ROBO1: variants seen among roughly 807,000 people sequenced by gnomAD.
ROBO1 encodes roundabout homolog 1.
A neutral mutation model predicts 195.9 loss-of-function variants in ROBO1; 149 were observed. The ratio of observed to expected loss-of-function variants is 0.76; its 90% CI spans 0.67 to 0.87. ROBO1 has a LOEUF of 0.87. ROBO1 is among the 40% of genes least tolerant of loss of function. ROBO1 has a pLI of 0.00. For synonymous variants in ROBO1, 816 were observed against 733.2 expected, an observed-to-expected ratio of 1.11 and a Z score of -1.82; for missense variants, 1,933 against 2,068.3, an observed-to-expected ratio of 0.93 and a Z score of 1.27.
rs995040747 is a variant in ROBO1, at chr3:79,414,539, T to C, written c.88+175285A>G. ...ATATGTTGTCCTTTGTTTTCCTTGG[T>C]AATTAGTATTAGAAGATGTTATAGA... On this transcript the variant is annotated intron_variant, in intron 2 of 30. Coordinates refer to ENST00000464233, the MANE Select transcript of ROBO1 (RefSeq NM_002941.4). Among the ~76,000 whole-genome samples, 4 of 152,260 alleles carry C rather than the reference T, an allele frequency of 2.6e-5. No homozygotes were observed. The South Asian group carries it at 6.2e-4, about 24-fold the overall frequency.
intron 3 of ROBO1, among the ~76,000 whole-genome samples, chr3:79,025,321 C>G (rs764094978): frequency 5.3e-5 from 8 of 152,130 alleles, no homozygotes; most frequent in Admixed American, 1.3e-4. Flanking sequence ...CTTCCCATAT[C>G]CTTTCCACTT....
intron 3 of ROBO1, among the ~76,000 whole-genome samples, chr3:78,986,972 T>C (rs1403370305): frequency 6.6e-6 from 1 of 152,144 alleles, no homozygotes; most frequent in Non-Finnish European, 1.5e-5. Flanking sequence ...GTACTTATTA[T>C]CTCTTTGTTT....
chr3:79,607,037 A>C (rs892556406), intron 1 of ROBO1, among the ~76,000 whole-genome samples: 1 of 151,238 alleles, frequency 6.6e-6, no homozygotes, highest in East Asian at 2.0e-4. Flanking sequence ...ATAATTAAGC[A>C]TAATACAGTT....
At chr3:79,704,179 T>A (rs1947700874) in intron 1 of ROBO1, among the ~76,000 whole-genome samples, 1 of 151,900 alleles carries the variant, frequency 6.6e-6, no homozygotes, top group Non-Finnish European at 1.5e-5. Context: ...CCCGCCAAAG[T>A]GGTACATTTG....
chr3:79,495,427 C>A (rs78428586), intron 2 of ROBO1, among the ~76,000 whole-genome samples: 1 of 152,012 alleles, frequency 6.6e-6, no homozygotes, highest in East Asian at 1.9e-4. Flanking sequence ...TAAAAAAACC[C>A]AGAAATGAAA....
intron 2 of ROBO1, among the ~76,000 whole-genome samples, chr3:79,239,274 C>A (rs186837716): frequency 1.3e-5 from 2 of 152,168 alleles, no homozygotes; most frequent in African/African-American, 4.8e-5. Context: ...ACATTTACAA[C>A]TAAACAGGTA....
chr3:79,049,562 T>C (rs1190293670), intron 3 of ROBO1, among the ~76,000 whole-genome samples: 2 of 151,818 alleles, frequency 1.3e-5, no homozygotes, highest in Admixed American at 1.3e-4. Context: ...ACAAAGATAC[T>C]CCTCGAGAAG....
At chr3:78,784,718 T>G (rs1333925865) in intron 4 of ROBO1, among the ~76,000 whole-genome samples, 1 of 152,196 alleles carries the variant, frequency 6.6e-6, no homozygotes, top group Non-Finnish European at 1.5e-5. Context: ...AAAAACTTAT[T>G]TTGCATAGGT....
At position 78,938,586 on chromosome 3, in the gene ROBO1, G is replaced by T. The variant is rs188532839; in HGVS notation, c.499+15C>A. ...CCACTCCCTCTGCCAAACACAGAGC[G>T]CCCAGTTTACTTACTGGCTACTTCC... On this transcript the variant is annotated intron_variant, in intron 4 of 30. Transcript: ENST00000464233. 4 of 1,592,184 alleles carry T rather than the reference G, an allele frequency of 2.5e-6. No homozygotes were observed. The highest frequency in any genetic ancestry group is 8.6e-7 in the Non-Finnish European group (1 of 1,166,038).
At chr3:78,933,129 T>C (rs1301893623) in intron 4 of ROBO1, among the ~76,000 whole-genome samples, 1 of 152,078 alleles carries the variant, frequency 6.6e-6, no homozygotes, top group Non-Finnish European at 1.5e-5. Flanking sequence ...CTGAGGTTAT[T>C]TATTGCTAGA....
At chr3:79,398,815 T>C (rs1559871394) in intron 2 of ROBO1, among the ~76,000 whole-genome samples, 1 of 152,154 alleles carries the variant, frequency 6.6e-6, no homozygotes, top group Non-Finnish European at 1.5e-5. Flanking sequence ...AAAAGGTTAT[T>C]ATTAGTGCCA....
intron 3 of ROBO1, among the ~76,000 whole-genome samples, chr3:79,111,122 TCTGA>T (rs554723157): frequency 1.2e-4 from 19 of 152,188 alleles, no homozygotes; most frequent in Non-Finnish European, 2.6e-4. Context: ...TTCTGATCGC[TCTGA>T]CTCATTTATA....
At chr3:78,661,927 T>C in intron 15 of ROBO1, 66 bp downstream of exon 15, 1 of 1,528,762 alleles carries the variant, frequency 6.5e-7, no homozygotes. Flanking sequence ...TAGTTACATT[T>C]TATATGCATT....
At chr3:79,526,805 A>G (rs1354202908) in intron 2 of ROBO1, among the ~76,000 whole-genome samples, 1 of 152,186 alleles carries the variant, frequency 6.6e-6, no homozygotes, top group Non-Finnish European at 1.5e-5. Context: ...TTTTGCAATT[A>G]TGATTCTAAG....
chr3:79,728,081 C>T (rs999445659), intron 1 of ROBO1, among the ~76,000 whole-genome samples: 8 of 151,708 alleles, frequency 5.3e-5, no homozygotes, highest in South Asian at 2.1e-4. Context: ...CACACGACTG[C>T]GTGTGTGTAT....
chr3:78,609,575 T>C (rs977872881), intron 28 of ROBO1, among the ~76,000 whole-genome samples: 3 of 152,322 alleles, frequency 2.0e-5, no homozygotes, highest in African/African-American at 4.8e-5. Flanking sequence ...GATTTCCATA[T>C]GTGTACATAG....
intron 2 of ROBO1, among the ~76,000 whole-genome samples, chr3:79,288,762 C>T (rs1310943583): frequency 6.6e-6 from 1 of 152,148 alleles, no homozygotes; most frequent in Non-Finnish European, 1.5e-5. Context: ...TATTTCTCCT[C>T]ACCTGTTATT....
rs1431985959 is a variant in ROBO1, at chr3:78,878,441, C to T, written c.499+60160G>A. ...CTCTACTAGAAATACAAAAATTAGT[C>T]GGGCATGGTGGTGGGTGCCTGTAAT... On this transcript the variant is annotated intron_variant, in intron 4 of 30. Transcript: ENST00000464233. 3.3e-5 allele frequency among the ~76,000 whole-genome samples: 5 copies of T among 151,742 alleles called. No individual in the cohort carries two copies. In the East Asian group the frequency reaches 5.8e-4, roughly 18 times the overall value.
At chr3:79,692,860 T>C (rs752589559) in intron 1 of ROBO1, among the ~76,000 whole-genome samples, 2 of 151,924 alleles carry the variant, frequency 1.3e-5, no homozygotes, top group Non-Finnish European at 2.9e-5. Context: ...TATTTGCATA[T>C]ACATAATGAG....
Sources: gnomAD v4.1 joint callset for allele counts (sites outside exome capture counted in the v4.1 genomes callset) on GRCh38, gnomAD v4.1.1 for gene constraint, MANE v1.5 for transcripts, NCBI Gene and HGNC (gene_info 2026-07-23, HGNC 2026-07-21) for gene names.